Variants in WSCD2 observed in about 807,000 individuals in gnomAD.
The protein encoded by WSCD2 is sialate:O-sulfotransferase 2.
WSCD2 carries 28 observed loss-of-function variants against 55.7 expected under a neutral mutation model. The ratio of observed to expected loss-of-function variants is 0.50; its 90% CI spans 0.37 to 0.69. The LOEUF is 0.69. WSCD2 is among the 30% of genes least tolerant of loss of function. The probability of loss-of-function intolerance (pLI) is 0.00; values close to 1 mark genes in which losing one functional copy is unlikely to be tolerated. For synonymous variants in WSCD2, 301 were observed against 301.9 expected (o/e 1.00, Z 0.03); for missense variants, 616 against 762.1 (o/e 0.81, Z 2.26).
chr12:108,194,333 G>C (rs1179538823), intron 1 of WSCD2, among the ~76,000 whole-genome samples: 2 of 152,192 alleles, frequency 1.3e-5, no homozygotes, highest in Admixed American at 6.5e-5. Context: ...AGCCATGCTG[G>C]TGACCGGGAG....
At chr12:108,139,023 G>A (rs1324213260) in intron 1 of WSCD2, among the ~76,000 whole-genome samples, 1 of 152,196 alleles carries the variant, frequency 6.6e-6, no homozygotes, top group Non-Finnish European at 1.5e-5. Context: ...GTGCATAGTA[G>A]ACGCTCAATG....
intron 6 of WSCD2, among the ~76,000 whole-genome samples, chr12:108,230,803 T>C (rs1184439823): frequency 6.6e-6 from 1 of 152,100 alleles, no homozygotes; most frequent in African/African-American, 2.4e-5. Context: ...GAATTGAGCA[T>C]GGGGCAGTCA....
intron 1 of WSCD2, among the ~76,000 whole-genome samples, chr12:108,135,166 A>ATCCATCCATCCATCCG (rs368838566): frequency 2.6e-5 from 4 of 152,098 alleles, no homozygotes; most frequent in African/African-American, 9.7e-5. Context: ...CCATCCATCC[A>ATCCATCCATCCATCCG]TCCTTCCATG....
intron 1 of WSCD2, among the ~76,000 whole-genome samples, chr12:108,171,219 T>G (rs1880206602): frequency 6.6e-6 from 1 of 152,170 alleles, no homozygotes; most frequent in Non-Finnish European, 1.5e-5. Context: ...TGCATAAAAA[T>G]CCACGATCAC....
intron 1 of WSCD2, among the ~76,000 whole-genome samples, chr12:108,185,498 C>T (rs971380781): frequency 6.6e-6 from 1 of 152,138 alleles, no homozygotes; most frequent in Non-Finnish European, 1.5e-5. Context: ...TTGGGAACCA[C>T]CCTACCACAC....
Position 108,195,969 on chromosome 12 carries a change from C to G in WSCD2, c.137C>G (p.Ser46Trp). The part of the protein sequence containing the change: ...HSGFVGQPAV[S>W]GNQANPAAAG... ...GGCTTTGTGGGCCAGCCCGCTGTCT[C>G]GGGGAACCAGGCGAACCCCGCTGCT... Residue 46 changes from serine (S) to tryptophan (W), a missense_variant, in exon 2 of 9, where the codon TCG becomes TGG. By Grantham distance (177) the Ser-to-Trp change is radical (BLOSUM62 -3). Around this residue, in one of 3 missense-constraint regions of WSCD2, gnomAD observed 374 missense variants for 467.4 expected, o/e 0.80. Coordinates refer to ENST00000547525, the MANE Select transcript of WSCD2 (RefSeq NM_014653.4). The G allele has an allele frequency of 6.2e-7, 1 of 1,614,234 alleles. No homozygotes were observed. Among genetic ancestry groups the G allele is most frequent in the African/African-American group, 1.3e-5 (1 of 75,064 alleles).
intron 4 of WSCD2, among the ~76,000 whole-genome samples, chr12:108,217,234 G>T (rs569145953): frequency 6.6e-6 from 1 of 152,166 alleles, no homozygotes; most frequent in Non-Finnish European, 1.5e-5. Flanking sequence ...CCCTTTCCTC[G>T]GGACACCAGA....
intron 1 of WSCD2, among the ~76,000 whole-genome samples, chr12:108,152,524 G>A (rs1944343623): frequency 6.6e-6 from 1 of 152,236 alleles, no homozygotes; most frequent in Admixed American, 6.5e-5. Context: ...GCATTTTCAG[G>A]GTGAGCCACA....
At chr12:108,142,016 T>G (rs1194919073) in intron 1 of WSCD2, among the ~76,000 whole-genome samples, 1 of 152,120 alleles carries the variant, frequency 6.6e-6, no homozygotes, top group African/African-American at 2.4e-5. Flanking sequence ...CAGGGAGAGG[T>G]GAGCTTTGGA....
chr12:108,140,160 C>T (rs949952806), intron 1 of WSCD2, among the ~76,000 whole-genome samples: 2 of 152,310 alleles, frequency 1.3e-5, no homozygotes, highest in African/African-American at 4.8e-5. Context: ...TCAATCCTAG[C>T]TCTGCTGCTT....
At chr12:108,181,048 G>T (rs76135323) in intron 1 of WSCD2, among the ~76,000 whole-genome samples, 3,013 of 152,340 alleles carry the variant, frequency 0.02, 120 homozygotes, top group African/African-American at 0.07. Flanking sequence ...GTGGTCATCT[G>T]ATTGACCTCT....
intron 4 of WSCD2, among the ~76,000 whole-genome samples, chr12:108,221,691 CCA>C (rs1331634315): frequency 2.0e-5 from 3 of 152,204 alleles, no homozygotes; most frequent in Non-Finnish European, 4.4e-5. Context: ...ATTTCTGGCC[CCA>C]AACTTTCAAG....
intron 1 of WSCD2, among the ~76,000 whole-genome samples, chr12:108,185,632 C>T (rs983974395): frequency 1.3e-5 from 2 of 152,196 alleles, no homozygotes; most frequent in Non-Finnish European, 2.9e-5. Context: ...GATAACATTT[C>T]TCCTTACTGT....
At chr12:108,202,480 G>A (rs1884818766) in intron 2 of WSCD2, among the ~76,000 whole-genome samples, 1 of 152,028 alleles carries the variant, frequency 6.6e-6, no homozygotes, top group Admixed American at 6.6e-5. Flanking sequence ...CTGGTGGGAG[G>A]GTGAGGAAGG....
At chr12:108,159,629 G>C (rs879776871) in intron 1 of WSCD2, among the ~76,000 whole-genome samples, 3 of 152,216 alleles carry the variant, frequency 2.0e-5, no homozygotes, top group Non-Finnish European at 4.4e-5. Flanking sequence ...AAATGAGCTA[G>C]TGATGTTCTG....
chr12:108,136,787 C>T (rs1048232646), intron 1 of WSCD2, among the ~76,000 whole-genome samples: 7 of 151,810 alleles, frequency 4.6e-5, no homozygotes, highest in South Asian at 4.1e-4. Context: ...GGGTGATGCA[C>T]GGTTTCAGGA....
chr12:108,224,113 A>C (rs749608565), intron 4 of WSCD2, among the ~76,000 whole-genome samples: 1 of 152,206 alleles, frequency 6.6e-6, no homozygotes, highest in Non-Finnish European at 1.5e-5. Context: ...ATGGGCTCCA[A>C]ATTTTTTATT....
intron 1 of WSCD2, among the ~76,000 whole-genome samples, chr12:108,146,696 T>A (rs867228868): frequency 9.2e-5 from 14 of 152,114 alleles, no homozygotes; most frequent in African/African-American, 3.1e-4. Flanking sequence ...GGCGTCCAGG[T>A]TCAGGAGAAC....
intron 1 of WSCD2, among the ~76,000 whole-genome samples, chr12:108,155,941 G>A (rs1878461596): frequency 6.6e-6 from 1 of 152,152 alleles, no homozygotes; most frequent in Non-Finnish European, 1.5e-5. Context: ...GTGGCATGTT[G>A]AGTTCTTTCA....
Sources: allele counts gnomAD v4.1 joint callset (sites outside exome capture counted in the v4.1 genomes callset), GRCh38; gene constraint gnomAD v4.1.1; regional missense constraint gnomAD v4.1.1; transcripts MANE v1.5; gene names NCBI Gene and HGNC (gene_info 2026-07-23, HGNC 2026-07-21).